PLCH1: variants seen among roughly 807,000 people sequenced by gnomAD.
PLCH1 encodes 1-phosphatidylinositol 4,5-bisphosphate phosphodiesterase eta-1.
In PLCH1, 60 loss-of-function variants were observed where a neutral mutation model predicts 126.7. That is an observed-to-expected ratio of 0.47 (90% CI 0.38 to 0.59). The LOEUF (loss-of-function observed/expected upper bound fraction) is 0.59. Ranked by LOEUF, PLCH1 falls within the 20% of genes least tolerant of loss-of-function variation. The pLI is 0.00. For missense variants in PLCH1, 1,723 were observed against 2,040.0 expected (o/e 0.84, Z 2.99); for synonymous variants, 719 against 734.9 (o/e 0.98, Z 0.35).
At chr3:155,474,397 G>T (rs1394107123) in intron 21 of PLCH1, among the ~76,000 whole-genome samples, 1 of 150,092 alleles carries the variant, frequency 6.7e-6, no homozygotes, top group Non-Finnish European at 1.5e-5. Context: ...ACACCAGTTA[G>T]AATGGCAATC....
chr3:155,651,471 G>C (rs1346555560), intron 2 of PLCH1, among the ~76,000 whole-genome samples: 4 of 152,032 alleles, frequency 2.6e-5, no homozygotes, highest in Admixed American at 2.6e-4. Flanking sequence ...GGGGTTGGAG[G>C]GGGTGGCGTG....
rs554669031 is a variant in PLCH1 at position 155,727,000 on chromosome 3, G to A, written c.-41+17840C>T. Among the ~76,000 whole-genome samples, 8 of 151,508 alleles carry A rather than the reference G, an allele frequency of 5.3e-5. 1 individual carries two copies. The South Asian group carries it at 8.3e-4, about 16-fold the overall frequency. On this transcript the variant is annotated intron_variant, in intron 1 of 22. Coordinates refer to ENST00000460012, the MANE Select transcript of PLCH1 (RefSeq NM_014996.4). ...CTCTCAAAGTGCTGGGAATACAGGC[G>A]TGAGCCACTGCGCCCGGCTCAAATT...
chr3:155,734,415 G>A (rs73017121), intron 1 of PLCH1, among the ~76,000 whole-genome samples: 2,386 of 152,160 alleles, frequency 0.016, 63 homozygotes, highest in African/African-American at 0.048. Flanking sequence ...AGCCATGATC[G>A]CACCATTGTA....
intron 2 of PLCH1, among the ~76,000 whole-genome samples, chr3:155,620,064 T>C (rs1405078541): frequency 1.3e-5 from 2 of 152,154 alleles, no homozygotes; most frequent in African/African-American, 2.4e-5. Flanking sequence ...TTGATTGGAG[T>C]TGTTATCCCA....
chr3:155,628,198 G>A (rs1472201737), intron 2 of PLCH1, among the ~76,000 whole-genome samples: 1 of 151,834 alleles, frequency 6.6e-6, no homozygotes, highest in Non-Finnish European at 1.5e-5. Flanking sequence ...CCACCCCAAA[G>A]TATGGCACAT....
At chr3:155,593,611 T>C (rs1468163762) in intron 4 of PLCH1, among the ~76,000 whole-genome samples, 1 of 152,198 alleles carries the variant, frequency 6.6e-6, no homozygotes, top group Non-Finnish European at 1.5e-5. Context: ...AATATGCCTA[T>C]GATTTAAAAG....
At chr3:155,732,060 C>A (rs916952763) in intron 1 of PLCH1, among the ~76,000 whole-genome samples, 44 of 146,390 alleles carry the variant, frequency 3.0e-4, no homozygotes, top group African/African-American at 1.0e-3. Context: ...TACTAACCAA[C>A]TCTAAAGAAA....
rs759284945 is a variant in PLCH1 at position 155,481,633 on chromosome 3, G to C, written c.4393C>G (p.Pro1465Ala). 2.1e-5 allele frequency: 34 copies of C among 1,614,164 alleles called. No homozygotes were observed. The highest frequency in any genetic ancestry group is 2.8e-5 in the Non-Finnish European group (33 of 1,180,020). Residue 1465 changes from proline to alanine, a missense_variant, in exon 23 of 23, where the codon CCC becomes GCC. Coordinates refer to ENST00000460012, the MANE Select transcript of PLCH1 (RefSeq NM_014996.4). This position sits in a 1 kb window ranked among gnomAD's most constrained non-coding sequence, Gnocchi z 4.2. ...AAAGGAAGATGTGCCAACTGCTTGG[G>C]TACAGGGACATGCATATCTTGAGCA... is the stretch of plus-strand genomic sequence containing the variant. ...SSAQDMHVPV[P>A]KQLAHLPLPA... is the part of the protein sequence containing the mutation.
intron 10 of PLCH1, among the ~76,000 whole-genome samples, chr3:155,529,110 T>A (rs1722328197): frequency 6.6e-6 from 1 of 152,238 alleles, no homozygotes; most frequent in Non-Finnish European, 1.5e-5. Context: ...CCAATGTTGA[T>A]GTAAATGAAG....
chr3:155,742,101 T>C (rs771843468), intron 1 of PLCH1: 3 of 152,222 alleles, frequency 2.0e-5, no homozygotes, highest in Non-Finnish European at 4.4e-5. Flanking sequence ...TCTGAACGTC[T>C]GAAGTGGTAT....
chr3:155,581,044 C>T (rs908154103), intron 6 of PLCH1, among the ~76,000 whole-genome samples: 5 of 152,158 alleles, frequency 3.3e-5, no homozygotes, highest in African/African-American at 9.7e-5. Flanking sequence ...TCATTAATAG[C>T]GTCTCAAATC....
At chr3:155,703,038 T>C (rs1385834078) in intron 2 of PLCH1, among the ~76,000 whole-genome samples, 1 of 152,178 alleles carries the variant, frequency 6.6e-6, no homozygotes, top group Non-Finnish European at 1.5e-5. Flanking sequence ...ACCTAATTAG[T>C]TACATCAACT....
At chr3:155,556,278 G>T (rs1015814909) in intron 8 of PLCH1, among the ~76,000 whole-genome samples, 5 of 152,130 alleles carry the variant, frequency 3.3e-5, no homozygotes, top group Non-Finnish European at 7.4e-5. Flanking sequence ...GCTTGAACCC[G>T]GGAGGTGGAG....
At chr3:155,543,514 T>C (rs940890143) in intron 10 of PLCH1, among the ~76,000 whole-genome samples, 2 of 152,132 alleles carry the variant, frequency 1.3e-5, no homozygotes, top group African/African-American at 4.8e-5. Context: ...CAGGCCAACA[T>C]TCAGATTCAG....
chr3:155,707,951 T>C (rs1326543513), intron 1 of PLCH1, among the ~76,000 whole-genome samples: 1 of 152,196 alleles, frequency 6.6e-6, no homozygotes, highest in Non-Finnish European at 1.5e-5. Context: ...AACATGCCAC[T>C]GCCTTCATGA....
chr3:155,625,533 AG>A (rs1411655638), intron 2 of PLCH1, among the ~76,000 whole-genome samples: 1 of 152,246 alleles, frequency 6.6e-6, no homozygotes. Flanking sequence ...CAAATTTACA[AG>A]AAAAAAACAA....
At position 155,459,746 on chromosome 3, in the gene PLCH1, A is replaced by G. The variant is rs1712640101; in HGVS notation, c.2938+25610T>C. Among the ~76,000 whole-genome samples, 5 of 152,184 alleles carry G rather than the reference A, an allele frequency of 3.3e-5. No homozygotes were observed. In the South Asian group the frequency reaches 8.3e-4, roughly 25 times the overall value. On this transcript the variant is annotated intron_variant, in intron 21 of 21. Coordinates refer to the PLCH1 transcript ENST00000494598. ...GCAATGGGGATATGGGGAGTTGATC[A>G]AGGCAGAGCCCAGGTGGATGTAATG...
At chr3:155,622,914 T>C (rs1736710662) in intron 2 of PLCH1, among the ~76,000 whole-genome samples, 1 of 152,180 alleles carries the variant, frequency 6.6e-6, no homozygotes. Context: ...CCAGCAGACC[T>C]AATAGACATC....
intron 17 of PLCH1, among the ~76,000 whole-genome samples, 175 bp downstream of exon 17, chr3:155,493,966 G>A (rs1419017843): frequency 6.6e-6 from 1 of 152,000 alleles, no homozygotes; most frequent in Non-Finnish European, 1.5e-5. Flanking sequence ...ATTAAGTAGT[G>A]GTGACAAGAA....
Sources: allele counts gnomAD v4.1 joint callset (sites outside exome capture counted in the v4.1 genomes callset), GRCh38; gene constraint gnomAD v4.1.1; non-coding constraint Gnocchi (gnomAD v3.1); transcripts MANE v1.5; gene names NCBI Gene and HGNC (gene_info 2026-07-23, HGNC 2026-07-21).